CNTNAP2: variants seen among roughly 807,000 people sequenced by gnomAD.
CNTNAP2 encodes the protein contactin-associated protein-like 2.
In CNTNAP2, 98 loss-of-function variants were observed where a neutral mutation model predicts 155.2. The observed-to-expected ratio is 0.63, with a 90% CI of 0.54 to 0.75. CNTNAP2 has a LOEUF of 0.75. Among genes scored for constraint, CNTNAP2 ranks in the 30% least tolerant of loss-of-function variants. The probability of loss-of-function intolerance (pLI) is 0.00; values close to 1 mark genes in which losing one functional copy is unlikely to be tolerated. For missense variants in CNTNAP2, 1,727 were observed against 1,688.1 expected (o/e 1.02, Z -0.40); for synonymous variants, 651 against 631.2 (o/e 1.03, Z -0.47).
chr7:147,206,241 A>C (rs1472189177), intron 8 of CNTNAP2, among the ~76,000 whole-genome samples: 1 of 149,448 alleles, frequency 6.7e-6, no homozygotes, highest in Non-Finnish European at 1.5e-5. Context: ...AAGTATGCTT[A>C]GATTTACTTT....
At chr7:147,085,010 A>T (rs1307864326) in intron 4 of CNTNAP2, among the ~76,000 whole-genome samples, 2 of 151,908 alleles carry the variant, frequency 1.3e-5, no homozygotes, top group Non-Finnish European at 2.9e-5. Context: ...GTACTTATAA[A>T]ATCAGGCTTA....
At chr7:148,036,677 C>T (rs1802578987) in intron 15 of CNTNAP2, among the ~76,000 whole-genome samples, 3 of 152,054 alleles carry the variant, frequency 2.0e-5, no homozygotes, top group African/African-American at 7.2e-5. Flanking sequence ...GTTATAACAG[C>T]ACAAAGTGGA....
At chr7:147,258,284 T>G (rs1804375707) in intron 8 of CNTNAP2, among the ~76,000 whole-genome samples, 1 of 152,228 alleles carries the variant, frequency 6.6e-6, no homozygotes, top group Admixed American at 6.5e-5. Context: ...TCAACACATA[T>G]AATGTTTGGT....
chr7:146,444,236 G>T (rs1042797274), intron 1 of CNTNAP2, among the ~76,000 whole-genome samples: 2 of 152,018 alleles, frequency 1.3e-5, no homozygotes, highest in African/African-American at 4.8e-5. Context: ...CGTTGGCCAG[G>T]CTGGTCTCAA....
At chr7:147,356,783 T>A (rs571331682) in intron 9 of CNTNAP2, among the ~76,000 whole-genome samples, 1 of 152,246 alleles carries the variant, frequency 6.6e-6, no homozygotes, top group African/African-American at 2.4e-5. Context: ...ATGTCATAAT[T>A]CGGATTGGTA....
intron 18 of CNTNAP2, among the ~76,000 whole-genome samples, chr7:148,197,116 A>C (rs1194862375): frequency 6.6e-6 from 1 of 152,244 alleles, no homozygotes; most frequent in East Asian, 1.9e-4. Context: ...AAAGGGAAAA[A>C]AATCATTCCT....
intron 11 of CNTNAP2, among the ~76,000 whole-genome samples, chr7:147,497,794 C>A (rs1798736269): frequency 6.6e-6 from 1 of 152,192 alleles, no homozygotes; most frequent in African/African-American, 2.4e-5. Flanking sequence ...TGCATTGGGG[C>A]AGGCCAGACT....
intron 15 of CNTNAP2, among the ~76,000 whole-genome samples, chr7:147,986,039 T>G (rs1801613515): frequency 6.6e-6 from 1 of 152,138 alleles, no homozygotes; most frequent in Non-Finnish European, 1.5e-5. Context: ...TTTTTTAAAG[T>G]TTTCATTACA....
At chr7:148,095,658 C>T (rs1442949821) in intron 15 of CNTNAP2, among the ~76,000 whole-genome samples, 2 of 152,136 alleles carry the variant, frequency 1.3e-5, no homozygotes, top group African/African-American at 4.8e-5. Flanking sequence ...GTTTGTGAGC[C>T]ACTGATGACT....
chr7:146,266,822 C>A (rs141020818), intron 1 of CNTNAP2, among the ~76,000 whole-genome samples: 38 of 151,558 alleles, frequency 2.5e-4, no homozygotes, highest in African/African-American at 8.9e-4. Context: ...TACTCACACT[C>A]CGTCCACATC....
chr7:148,181,875 A>G (rs1795044875), intron 18 of CNTNAP2, among the ~76,000 whole-genome samples: 1 of 146,362 alleles, frequency 6.8e-6, no homozygotes, highest in Non-Finnish European at 1.5e-5. Flanking sequence ...CTCCTGCCTC[A>G]GCCTCCCGAG....
chr7:147,471,142 A>G (rs1320729245), intron 10 of CNTNAP2, among the ~76,000 whole-genome samples: 2 of 152,196 alleles, frequency 1.3e-5, no homozygotes, highest in East Asian at 3.9e-4. Flanking sequence ...ATCACCTGTC[A>G]GATGACCTAA....
At position 147,769,267 on chromosome 7, in the gene CNTNAP2, G is replaced by T. The variant is rs556362913; in HGVS notation, c.2098+129961G>T. On this transcript the variant is annotated intron_variant, in intron 13 of 23. Transcript: ENST00000361727. ...ATTTTTCAAGTATACTTTCCAAAAG[G>T]TCATTTTTAAAGAATTCGCCCCTTC... is the stretch of plus-strand genomic sequence containing the variant. Among the ~76,000 whole-genome samples, 189 of 152,172 alleles carry T rather than the reference G, an allele frequency of 1.2e-3. 2 individuals carry two copies. Among genetic ancestry groups the T allele is most frequent in the Non-Finnish European group, 1.5e-3 (99 of 67,984 alleles).
intron 3 of CNTNAP2, among the ~76,000 whole-genome samples, chr7:146,998,086 A>G (rs936276518): frequency 5.9e-5 from 9 of 151,316 alleles, no homozygotes; most frequent in African/African-American, 1.9e-4. Flanking sequence ...CTTATTTTAG[A>G]TATGGGTTTT....
At position 147,671,304 on chromosome 7, in the gene CNTNAP2, T is replaced by C. The variant is rs1176703178; in HGVS notation, c.2098+31998T>C. 3.3e-4 allele frequency among the ~76,000 whole-genome samples: 50 copies of C among 152,176 alleles called. 1 individual carries two copies. Among genetic ancestry groups the C allele is most frequent in the Non-Finnish European group, 1.5e-5 (1 of 68,032 alleles). ...ATCCTGCTTCACTTCCATATGGAGC[T>C]AGTGCTTTGTAAAGTGCACTGACAA... is the stretch of plus-strand genomic sequence containing the variant. On this transcript the variant is annotated intron_variant, in intron 13 of 23. Transcript: ENST00000361727.
intron 3 of CNTNAP2, among the ~76,000 whole-genome samples, chr7:146,971,466 T>C (rs189821567): frequency 3.5e-4 from 54 of 152,306 alleles, no homozygotes; most frequent in African/African-American, 1.1e-3. Context: ...ATAGAAGGGT[T>C]ATCTAAGTCT....
chr7:147,556,807 C>T (rs1799960245), intron 11 of CNTNAP2, among the ~76,000 whole-genome samples: 2 of 152,162 alleles, frequency 1.3e-5, no homozygotes, highest in South Asian at 4.1e-4. Flanking sequence ...ATCTCCAGAA[C>T]TGTAAGATAA....
chr7:147,883,591 T>C (rs1256487957), intron 13 of CNTNAP2, among the ~76,000 whole-genome samples: 2 of 152,216 alleles, frequency 1.3e-5, no homozygotes, highest in African/African-American at 4.8e-5. Flanking sequence ...ATTGCAGCTA[T>C]TCTTTAATCA....
chr7:148,369,441 C>A (rs1042536282), intron 21 of CNTNAP2, among the ~76,000 whole-genome samples: 1 of 151,442 alleles, frequency 6.6e-6, no homozygotes, highest in African/African-American at 2.4e-5. Flanking sequence ...GACAGGGTTT[C>A]GCCATGTTGG....
Sources: allele counts gnomAD v4.1 joint callset (sites outside exome capture counted in the v4.1 genomes callset), GRCh38; gene constraint gnomAD v4.1.1; transcripts MANE v1.5; gene names NCBI Gene and HGNC (gene_info 2026-07-23, HGNC 2026-07-21).